Variants in BTBD9 observed in about 807,000 individuals in gnomAD.
BTBD9 encodes BTB/POZ domain-containing protein 9.
BTBD9 carries 49 observed loss-of-function variants against 64.3 expected under a neutral mutation model. The ratio of observed to expected loss-of-function variants is 0.76; its 90% confidence interval spans 0.61 to 0.97. The LOEUF (loss-of-function observed/expected upper bound fraction) is 0.97. Among genes scored for constraint, BTBD9 ranks in the 50% least tolerant of loss-of-function variants. BTBD9 has a pLI of 0.00. For missense variants in BTBD9, 598 were observed against 762.1 expected, an observed-to-expected ratio of 0.78 and a Z score of 2.53; for synonymous variants, 260 against 274.7, an observed-to-expected ratio of 0.95 and a Z score of 0.53.
intron 7 of BTBD9, among the ~76,000 whole-genome samples, chr6:38,328,866 G>GAAC (rs1763554642): frequency 6.6e-6 from 1 of 151,676 alleles, no homozygotes; most frequent in Admixed American, 6.6e-5. Context: ...CGAATGGCGT[G>GAAC]AACCCGGGAG....
chr6:38,265,623 T>A (rs1308612438), intron 8 of BTBD9, among the ~76,000 whole-genome samples: 1 of 151,722 alleles, frequency 6.6e-6, no homozygotes, highest in African/African-American at 2.4e-5. Context: ...GCTCAAGTGA[T>A]CCTCCCACCT....
At chr6:38,562,401 A>G (rs1329841624) in intron 6 of BTBD9, among the ~76,000 whole-genome samples, 1 of 152,216 alleles carries the variant, frequency 6.6e-6, no homozygotes, top group Admixed American at 6.5e-5. Context: ...GTTTCTCAAA[A>G]AAAGTGATCT....
intron 6 of BTBD9, among the ~76,000 whole-genome samples, chr6:38,489,246 G>A (rs1469855768): frequency 6.6e-6 from 1 of 151,996 alleles, no homozygotes; most frequent in Non-Finnish European, 1.5e-5. Flanking sequence ...TGAAAAATTA[G>A]AATATTCCCA....
chr6:38,513,486 G>A (rs138669127), intron 6 of BTBD9, among the ~76,000 whole-genome samples: 204 of 151,416 alleles, frequency 1.3e-3, no homozygotes, highest in African/African-American at 4.7e-3. Context: ...GCTCCACCTT[G>A]GTTAAAAAAA....
At chr6:38,395,824 C>T (rs1766642978) in intron 6 of BTBD9, among the ~76,000 whole-genome samples, 1 of 152,052 alleles carries the variant, frequency 6.6e-6, no homozygotes, top group Admixed American at 6.6e-5. Flanking sequence ...ATTCTCCTGC[C>T]TCAGCCTCTC....
intron 4 of BTBD9, chr6:38,587,396 C>T: frequency 2.0e-6 from 1 of 491,290 alleles, no homozygotes; most frequent in Non-Finnish European, 4.0e-6. Context: ...CCAAAAATTC[C>T]TATTCATAAT....
chr6:38,348,093 A>G (rs903040012), intron 6 of BTBD9, among the ~76,000 whole-genome samples: 1 of 152,168 alleles, frequency 6.6e-6, no homozygotes, highest in African/African-American at 2.4e-5. Context: ...GAGCACAGGT[A>G]CCATCCTTGA....
intron 6 of BTBD9, among the ~76,000 whole-genome samples, chr6:38,426,625 A>G (rs1016159544): frequency 5.9e-5 from 9 of 151,794 alleles, no homozygotes; most frequent in African/African-American, 2.2e-4. Flanking sequence ...CGAGGCGCCT[A>G]TTGCCACTCC....
At chr6:38,233,614 G>A (rs572297244) in intron 9 of BTBD9, among the ~76,000 whole-genome samples, 17 of 152,320 alleles carry the variant, frequency 1.1e-4, no homozygotes, top group South Asian at 8.3e-4. Context: ...GCCTGCCAGC[G>A]CCTTTCAGTG....
intron 6 of BTBD9, among the ~76,000 whole-genome samples, chr6:38,386,316 T>C (rs958579127): frequency 3.3e-5 from 5 of 152,084 alleles, no homozygotes; most frequent in African/African-American, 1.2e-4. Flanking sequence ...CAAAGTAATA[T>C]ATAACAGCAT....
In BTBD9 at chr6:38,522,612, G is replaced by A. The variant is rs528868921; in HGVS notation, c.1154+54988C>T. On this transcript the variant is annotated intron_variant, in intron 6 of 10. Transcript: ENST00000481247. ...CCAGCTCTTCCCATTGCCTCTCTTG[G>A]AGATCTTGATGCTTCCCATGGCTTC... is the stretch of plus-strand genomic sequence containing the variant. Among the ~76,000 whole-genome samples, 449 of 152,266 alleles carry A rather than the reference G, an allele frequency of 2.9e-3. 2 individuals are homozygous for A. Among genetic ancestry groups the A allele is most frequent in the Middle Eastern group, 0.014 (4 of 294 alleles).
intron 6 of BTBD9, 44 bp downstream of exon 6, chr6:38,577,556 C>T: frequency 6.4e-7 from 1 of 1,563,898 alleles, no homozygotes; most frequent in Non-Finnish European, 8.6e-7. Context: ...TCCAAATCTC[C>T]TTATATAAGA....
At chr6:38,183,195 T>G (rs1473419471) in intron 10 of BTBD9, among the ~76,000 whole-genome samples, 2 of 152,234 alleles carry the variant, frequency 1.3e-5, no homozygotes. Context: ...TTAGCCAGGA[T>G]GGTCTCGATC....
intron 6 of BTBD9, among the ~76,000 whole-genome samples, chr6:38,408,527 A>G (rs1455507928): frequency 6.6e-6 from 1 of 152,200 alleles, no homozygotes; most frequent in Admixed American, 6.5e-5. Flanking sequence ...GCTCGGGTTG[A>G]AATAATTCCA....
At chr6:38,472,060 G>T (rs962711702) in intron 6 of BTBD9, among the ~76,000 whole-genome samples, 19 of 152,158 alleles carry the variant, frequency 1.2e-4, no homozygotes, top group African/African-American at 4.3e-4. Context: ...ATTATATGTA[G>T]ATTTTCTGCA....
At chr6:38,302,485 G>GTGTGTATATATATATATA (rs1554137022) in intron 7 of BTBD9, among the ~76,000 whole-genome samples, 1 of 106,908 alleles carries the variant, frequency 9.4e-6, no homozygotes, top group African/African-American at 3.5e-5. Context: ...TTGTGTGTAT[G>GTGTGTATATATATATATA]TATATATATA....
At chr6:38,228,404 T>C (rs1561900067) in intron 9 of BTBD9, among the ~76,000 whole-genome samples, 1 of 144,816 alleles carries the variant, frequency 6.9e-6, no homozygotes, top group Non-Finnish European at 1.5e-5. Flanking sequence ...TTCGGTATTA[T>C]GGACTTTGGG....
chr6:38,392,178 C>T (rs1163148414), intron 6 of BTBD9, among the ~76,000 whole-genome samples: 1 of 151,714 alleles, frequency 6.6e-6, no homozygotes, highest in African/African-American at 2.4e-5. Context: ...ATGGCACAGA[C>T]CAGCAAGAGG....
intron 7 of BTBD9, among the ~76,000 whole-genome samples, chr6:38,332,009 C>T (rs756256097): frequency 5.3e-5 from 8 of 152,128 alleles, no homozygotes; most frequent in Non-Finnish European, 8.8e-5. Context: ...TATTTTGTTT[C>T]GATAAGCACT....
Sources: gnomAD v4.1 joint callset for allele counts (sites outside exome capture counted in the v4.1 genomes callset) on GRCh38, gnomAD v4.1.1 for gene constraint, MANE v1.5 for transcripts, NCBI Gene and HGNC (gene_info 2026-07-23, HGNC 2026-07-21) for gene names.